DOCK2: variants seen among roughly 807,000 people sequenced by gnomAD.
DOCK2 encodes dedicator of cytokinesis 2.
A neutral mutation model predicts 248.9 loss-of-function variants in DOCK2; 87 were observed. The observed-to-expected ratio is 0.35, with a 90% CI of 0.29 to 0.42. DOCK2 has a LOEUF of 0.42. Ranked by LOEUF, DOCK2 falls within the 10% of genes least tolerant of loss-of-function variation. The pLI is 1.00. For missense variants in DOCK2, 1,747 were observed against 2,300.2 expected (o/e 0.76, Z 4.92); for synonymous variants, 805 against 821.6 (o/e 0.98, Z 0.35).
intron 29 of DOCK2, among the ~76,000 whole-genome samples, chr5:169,992,774 T>TA (rs1254849303): frequency 9.1e-5 from 12 of 131,508 alleles, no homozygotes; most frequent in East Asian, 6.1e-4. Context: ...ATTACTGTTT[T>TA]TAAAAAAAAA....
chr5:169,847,328 C>A (rs1770374757), intron 27 of DOCK2, among the ~76,000 whole-genome samples: 1 of 152,202 alleles, frequency 6.6e-6, no homozygotes. Flanking sequence ...TATAAATGTT[C>A]TCTTTTCCCA....
chr5:169,757,819 G>C (rs1764271657), intron 23 of DOCK2, among the ~76,000 whole-genome samples: 1 of 152,102 alleles, frequency 6.6e-6, no homozygotes, highest in African/African-American at 2.4e-5. Flanking sequence ...ATATGGAAAA[G>C]ATGCTCAACC....
chr5:169,861,444 A>C (rs1282259283), intron 27 of DOCK2, among the ~76,000 whole-genome samples: 4 of 152,274 alleles, frequency 2.6e-5, no homozygotes, highest in Non-Finnish European at 5.9e-5. Flanking sequence ...AAGGATAGTG[A>C]GTATGCATTT....
chr5:169,734,543 G>A (rs1034879278), intron 22 of DOCK2, among the ~76,000 whole-genome samples: 8 of 151,776 alleles, frequency 5.3e-5, no homozygotes, highest in Middle Eastern at 6.8e-3. Flanking sequence ...ATTCACCTGG[G>A]GCAATACCAA....
chr5:169,741,833 G>A (rs1368792039), intron 22 of DOCK2, among the ~76,000 whole-genome samples: 7 of 137,970 alleles, frequency 5.1e-5, no homozygotes, highest in Admixed American at 3.0e-4. Flanking sequence ...TTTTTGAGAC[G>A]GAGTCTCGCT....
chr5:169,745,704 G>A (rs1194326605), intron 22 of DOCK2, among the ~76,000 whole-genome samples: 1 of 152,226 alleles, frequency 6.6e-6, no homozygotes, highest in Admixed American at 6.5e-5. Context: ...TGAGGAGTGA[G>A]TGATTTCACA....
At chr5:169,783,494 A>G (rs1291062982) in intron 25 of DOCK2, among the ~76,000 whole-genome samples, 1 of 152,206 alleles carries the variant, frequency 6.6e-6, no homozygotes, top group Non-Finnish European at 1.5e-5. Context: ...AACAATGCTC[A>G]ACACAGTCCC....
rs114973831 is a variant in DOCK2 at position 169,891,327 on chromosome 5, C to T, written c.2799+50475C>T. Among the ~76,000 whole-genome samples the T allele has an allele frequency of 6.5e-3, 985 of 152,280 alleles. 5 individuals carry two copies. The highest frequency in any genetic ancestry group is 0.01 in the Non-Finnish European group (700 of 68,012). On this transcript the variant is annotated intron_variant, in intron 27 of 51. Coordinates refer to ENST00000520908, the MANE Select transcript of DOCK2 (RefSeq NM_004946.3). ...TTTGTGTATTATCTGTCTCTGCTCC[C>T]ATTTATTGAAGAACTTTAGTATTTG...
At chr5:169,828,627 A>AT (rs1275843308) in intron 26 of DOCK2, among the ~76,000 whole-genome samples, 1 of 152,026 alleles carries the variant, frequency 6.6e-6, no homozygotes, top group Non-Finnish European at 1.5e-5. Flanking sequence ...CGTTGTATGT[A>AT]TTTTTTGGTT....
At chr5:170,072,077 C>A (rs1049282347) in intron 46 of DOCK2, among the ~76,000 whole-genome samples, 1 of 152,120 alleles carries the variant, frequency 6.6e-6, no homozygotes, top group African/African-American at 2.4e-5. Flanking sequence ...ATAAGTAATG[C>A]TATTCTGAAC....
At chr5:169,711,034 G>A (rs186259194) in intron 15 of DOCK2, among the ~76,000 whole-genome samples, 22 of 152,276 alleles carry the variant, frequency 1.4e-4, no homozygotes, top group African/African-American at 5.3e-4. Context: ...GAATGAATTG[G>A]CTGCAGTTAC....
rs1449633340 is a variant in DOCK2 at position 169,801,150 on chromosome 5, T to G, written c.2555-1908T>G. Among the ~76,000 whole-genome samples, 307 of 31,494 alleles carry G rather than the reference T, an allele frequency of 9.7e-3. 26 individuals are homozygous for G. The highest frequency in any genetic ancestry group is 0.027 in the Non-Finnish European group (223 of 8,328). The allele number at this position is 31,494 out of a possible 152,430, so 20.7% of individuals were successfully genotyped here. A position where few individuals can be genotyped will look rare whatever the true frequency, so the allele number is the denominator to read the frequency against. On this transcript the variant is annotated intron_variant, in intron 25 of 51. Coordinates refer to ENST00000520908, the MANE Select transcript of DOCK2 (RefSeq NM_004946.3). ...ACCATGCCCAGATAGTTTTGGGTTT[T>G]TTTTTTTTTTTTTTTTTTTTTTTTT...
At chr5:169,659,476 C>A (rs181225381) in intron 2 of DOCK2, among the ~76,000 whole-genome samples, 49 of 152,278 alleles carry the variant, frequency 3.2e-4, no homozygotes, top group African/African-American at 1.2e-3. Flanking sequence ...CAACATGGCC[C>A]AGAAGCTGAA....
chr5:169,935,292 C>T (rs957230268), intron 27 of DOCK2, among the ~76,000 whole-genome samples: 1 of 152,172 alleles, frequency 6.6e-6, no homozygotes, highest in Non-Finnish European at 1.5e-5. Flanking sequence ...AAAGCTTTAA[C>T]TCGACCAAAA....
intron 25 of DOCK2, among the ~76,000 whole-genome samples, chr5:169,800,095 A>G (rs75086658): frequency 0.011 from 1,662 of 152,310 alleles, 30 homozygotes; most frequent in African/African-American, 0.039. Flanking sequence ...GTGAGCTACC[A>G]TGCTCAGCCC....
chr5:169,774,590 A>G (rs886919123), intron 25 of DOCK2, among the ~76,000 whole-genome samples: 1 of 152,224 alleles, frequency 6.6e-6, no homozygotes, highest in Non-Finnish European at 1.5e-5. Flanking sequence ...GGAGCTTACG[A>G]TTGGAGAAGA....
chr5:169,866,866 C>T (rs1417425303), intron 27 of DOCK2, among the ~76,000 whole-genome samples: 1 of 152,214 alleles, frequency 6.6e-6, no homozygotes, highest in Non-Finnish European at 1.5e-5. Flanking sequence ...CTCCCCACTA[C>T]CAAGCAGTGG....
chr5:169,803,807 G>T, intron 26 of DOCK2, among the ~76,000 whole-genome samples: 1 of 152,152 alleles, frequency 6.6e-6, no homozygotes, highest in East Asian at 1.9e-4. Flanking sequence ...TAAGTGGAGG[G>T]CTTCCAAAGG....
At chr5:169,800,944 CTTTTTTTTT>C (rs60140740) in intron 25 of DOCK2, among the ~76,000 whole-genome samples, 223 of 53,186 alleles carry the variant, frequency 4.2e-3, no homozygotes, top group Middle Eastern at 0.01. Context: ...TTCTTTCTTT[CTTTTTTTTT>C]TTTTTTTTTT....
Sources: allele counts gnomAD v4.1 joint callset (sites outside exome capture counted in the v4.1 genomes callset), GRCh38; gene constraint gnomAD v4.1.1; transcripts MANE v1.5; gene names NCBI Gene and HGNC (gene_info 2026-07-23, HGNC 2026-07-21).